The following GRM7 variants were observed in gnomAD, a reference collection of about 807,000 sequenced individuals.
GRM7 encodes metabotropic glutamate receptor 7.
In GRM7, 35 loss-of-function variants were observed where a neutral mutation model predicts 84.5. The observed-to-expected ratio is 0.41, with a 90% CI of 0.32 to 0.55. The LOEUF (loss-of-function observed/expected upper bound fraction) is 0.55, where lower values mean the gene tolerates loss of function less well. GRM7 is among the 20% of genes least tolerant of loss of function. GRM7 has a pLI of 0.19. For synonymous variants in GRM7, 487 were observed against 455.1 expected (o/e 1.07, Z -0.89); for missense variants, 1,003 against 1,194.6 (o/e 0.84, Z 2.36).
chr3:7,414,948 G>A, intron 4 of GRM7, 75 bp from the exon 5 acceptor site: 3 of 1,230,990 alleles, frequency 2.4e-6, no homozygotes, highest in Non-Finnish European at 2.2e-6. Context: ...GAAAAAAAAA[G>A]TCACTTTTAT....
chr3:7,592,242 C>T (rs1418977361), intron 8 of GRM7, among the ~76,000 whole-genome samples: 1 of 151,708 alleles, frequency 6.6e-6, no homozygotes, highest in Non-Finnish European at 1.5e-5. Context: ...AGGAGAATAT[C>T]AGACTGTGGC....
intron 2 of GRM7, among the ~76,000 whole-genome samples, chr3:7,287,382 T>C (rs966645235): frequency 6.6e-6 from 1 of 152,158 alleles, no homozygotes; most frequent in African/African-American, 2.4e-5. Context: ...AATGTCTTGT[T>C]TTATCTCATA....
At chr3:7,692,406 C>T (rs1700840382) in intron 9 of GRM7, among the ~76,000 whole-genome samples, 1 of 152,086 alleles carries the variant, frequency 6.6e-6, no homozygotes, top group African/African-American at 2.4e-5. Context: ...TGGTTTCCTT[C>T]AGAAGCTGGG....
At chr3:7,105,881 G>C (rs1373176562) in intron 1 of GRM7, among the ~76,000 whole-genome samples, 1 of 151,722 alleles carries the variant, frequency 6.6e-6, no homozygotes, top group Non-Finnish European at 1.5e-5. Flanking sequence ...TTTCTATGTA[G>C]AAAAATAATT....
At chr3:7,204,978 T>A (rs1314437173) in intron 2 of GRM7, among the ~76,000 whole-genome samples, 2 of 152,344 alleles carry the variant, frequency 1.3e-5, no homozygotes, top group Non-Finnish European at 2.9e-5. Context: ...AATAACTAGC[T>A]TGCTTTATGG....
intron 2 of GRM7, among the ~76,000 whole-genome samples, chr3:7,233,588 G>T (rs907327455): frequency 1.3e-5 from 2 of 151,974 alleles, no homozygotes; most frequent in African/African-American, 2.4e-5. Flanking sequence ...GACTATATGG[G>T]TTTTTTTGTA....
intron 8 of GRM7, among the ~76,000 whole-genome samples, chr3:7,664,913 A>T (rs1699619866): frequency 6.6e-6 from 1 of 152,130 alleles, no homozygotes; most frequent in South Asian, 2.1e-4. Flanking sequence ...ATAACCACAC[A>T]TCAGCAGAAT....
intron 1 of GRM7, among the ~76,000 whole-genome samples, chr3:6,974,062 A>G (rs574052240): frequency 6.6e-6 from 1 of 152,326 alleles, no homozygotes; most frequent in South Asian, 2.1e-4. Context: ...AAATGAAGCG[A>G]TTGGATTCTG....
At chr3:7,430,941 T>C (rs1194821795) in intron 5 of GRM7, among the ~76,000 whole-genome samples, 3 of 152,162 alleles carry the variant, frequency 2.0e-5, no homozygotes, top group African/African-American at 7.2e-5. Flanking sequence ...GTTTGACTGA[T>C]GTAACACAGA....
chr3:7,700,223 C>T (rs917698303), intron 9 of GRM7, among the ~76,000 whole-genome samples: 4 of 152,202 alleles, frequency 2.6e-5, no homozygotes, highest in African/African-American at 7.2e-5. Flanking sequence ...TGTCCCTGAA[C>T]TCAAGTCAGA....
intron 1 of GRM7, among the ~76,000 whole-genome samples, chr3:6,951,758 T>A (rs1692778612): frequency 6.6e-6 from 1 of 152,206 alleles, no homozygotes; most frequent in African/African-American, 2.4e-5. Flanking sequence ...TGGAAGGTTC[T>A]ATAAATGTCA....
At chr3:7,430,798 T>C (rs551715407) in intron 5 of GRM7, among the ~76,000 whole-genome samples, 1 of 152,274 alleles carries the variant, frequency 6.6e-6, no homozygotes, top group African/African-American at 2.4e-5. Flanking sequence ...AAGATACAGA[T>C]AGGGTATCCC....
intron 9 of GRM7, among the ~76,000 whole-genome samples, chr3:7,730,066 G>A (rs1000834449): frequency 6.7e-6 from 1 of 149,338 alleles, no homozygotes; most frequent in Non-Finnish European, 1.5e-5. Context: ...GTAGAGACAG[G>A]GTTTCACCAT....
intron 7 of GRM7, among the ~76,000 whole-genome samples, chr3:7,502,488 C>A (rs550673488): frequency 1.3e-5 from 2 of 152,082 alleles, no homozygotes; most frequent in South Asian, 4.2e-4. Context: ...TCTTCCAAGT[C>A]TAAGAACAAA....
chr3:7,240,219 A>C (rs1004517544), intron 2 of GRM7, among the ~76,000 whole-genome samples: 3 of 133,716 alleles, frequency 2.2e-5, no homozygotes, highest in Non-Finnish European at 4.6e-5. Flanking sequence ...TGTGGGGCTG[A>C]AACACACAGT....
In GRM7 at chr3:7,356,008, A is replaced by C. The variant is rs561116187; in HGVS notation, c.1033+49356A>C. On this transcript the variant is annotated intron_variant, in intron 4 of 9. Coordinates refer to ENST00000357716, the MANE Select transcript of GRM7 (RefSeq NM_000844.4). ...CCCCTTTCTGTGACATCCCCTAAGG[A>C]TGTTGGTGAAGGGAAGTCTTCCCCA... is the stretch of plus-strand genomic sequence containing the variant. Among the ~76,000 whole-genome samples the C allele has an allele frequency of 4.6e-5, 7 of 152,178 alleles. No individual in the cohort carries two copies. In the South Asian group the frequency reaches 1.5e-3, roughly 32 times the overall value.
chr3:7,563,147 T>TA (rs1246715464), intron 7 of GRM7, among the ~76,000 whole-genome samples: 2 of 152,164 alleles, frequency 1.3e-5, no homozygotes, highest in Non-Finnish European at 2.9e-5. Flanking sequence ...TGTGAAAATC[T>TA]AAGATGAATG....
chr3:7,071,069 AG>A (rs1406697575), intron 1 of GRM7, among the ~76,000 whole-genome samples: 6 of 152,048 alleles, frequency 3.9e-5, no homozygotes, highest in Non-Finnish European at 8.8e-5. Context: ...TCCTTTGAAA[AG>A]CTCAGCCTCC....
At chr3:6,896,373 C>T (rs915660627) in intron 1 of GRM7, among the ~76,000 whole-genome samples, 1 of 152,166 alleles carries the variant, frequency 6.6e-6, no homozygotes, top group Non-Finnish European at 1.5e-5. Context: ...TTTTACCTAT[C>T]ATTTCATAAA....
Sources: gnomAD v4.1 joint callset for allele counts (sites outside exome capture counted in the v4.1 genomes callset) on GRCh38, gnomAD v4.1.1 for gene constraint, MANE v1.5 for transcripts, NCBI Gene and HGNC (gene_info 2026-07-23, HGNC 2026-07-21) for gene names.